DNAH14: variants seen among roughly 807,000 people sequenced by gnomAD.
DNAH14 encodes axonemal beta dynein heavy chain 14.
DNAH14 carries 478 observed loss-of-function variants against 520.9 expected under a neutral mutation model. The ratio of observed to expected loss-of-function variants is 0.92; its 90% CI spans 0.85 to 0.99. The LOEUF (loss-of-function observed/expected upper bound fraction) is 0.99, where lower values mean the gene tolerates loss of function less well. Among genes scored for constraint, DNAH14 ranks in the 50% least tolerant of loss-of-function variants. DNAH14 has a pLI of 0.00. For missense variants in DNAH14, 4,831 were observed against 5,234.5 expected (o/e 0.92, Z 2.38); for synonymous variants, 1,581 against 1,757.2 (o/e 0.90, Z 2.51).
intron 21 of DNAH14, among the ~76,000 whole-genome samples, chr1:225,092,554 C>T (rs749534244): frequency 1.3e-5 from 2 of 151,932 alleles, no homozygotes; most frequent in East Asian, 1.9e-4. Context: ...AAGTTTATAG[C>T]ACTAAACTCC....
chr1:224,946,661 T>C (rs2059853917), intron 1 of DNAH14, among the ~76,000 whole-genome samples: 1 of 152,238 alleles, frequency 6.6e-6, no homozygotes, highest in Non-Finnish European at 1.5e-5. Context: ...TTTTGGAATT[T>C]CATATTATAT....
At chr1:225,063,925 GA>G (rs908315330) in intron 17 of DNAH14, among the ~76,000 whole-genome samples, 22 of 145,330 alleles carry the variant, frequency 1.5e-4, no homozygotes, top group South Asian at 4.4e-4. Context: ...GAATAAAAAA[GA>G]AAAAAAAAAG....
chr1:225,029,487 CTTGTCAGATACT>C (rs1172344993), intron 11 of DNAH14, among the ~76,000 whole-genome samples: 1 of 152,000 alleles, frequency 6.6e-6, no homozygotes, highest in Non-Finnish European at 1.5e-5. Flanking sequence ...GCACATGTAA[CTTGTCAGATACT>C]TTGTTAGATC....
chr1:224,993,712 T>A lies in DNAH14; in HGVS notation c.831-9071T>A, dbSNP rs144606583. 6.6e-5 allele frequency among the ~76,000 whole-genome samples: 10 copies of A among 152,082 alleles called. No individual in the cohort carries two copies. In the East Asian group the frequency reaches 1.9e-3, roughly 29 times the overall value. Reference sequence around the variant, plus strand: ...GCTGCTCTGGTCTTTATTATTTCTTTCCTTCTGCTAATTTTGGCTTAGTTT... The same window carrying A: ...GCTGCTCTGGTCTTTATTATTTCTTACCTTCTGCTAATTTTGGCTTAGTTT... On this transcript the variant is annotated intron_variant, in intron 8 of 85. Transcript: ENST00000682510.
rs2061660101 is a variant in DNAH14 at position 224,974,074 on chromosome 1, A to G, written c.768-17A>G. ...TGGTTTATGGATATGGAATATAAGA[A>G]GCATTTTTCCTTTCAGAATGAATAA... On this transcript the variant is annotated splice_polypyrimidine_tract_variant and intron_variant, in intron 7 of 85. Coordinates refer to ENST00000682510, the MANE Select transcript of DNAH14 (RefSeq NM_001367479.1). 1 of 1,474,774 alleles carries G rather than the reference A, an allele frequency of 6.8e-7. No homozygotes were observed. The highest frequency in any genetic ancestry group is 9.0e-7 in the Non-Finnish European group (1 of 1,105,070). 91.4% of individuals were successfully genotyped at this position (1,474,774 alleles called of 1,614,324 possible).
At chr1:225,064,231 A>G (rs564771527) in intron 17 of DNAH14, among the ~76,000 whole-genome samples, 2 of 152,190 alleles carry the variant, frequency 1.3e-5, no homozygotes, top group South Asian at 4.1e-4. Context: ...ACAATTCACT[A>G]TATAGCCATT....
intron 41 of DNAH14, among the ~76,000 whole-genome samples, chr1:225,213,092 G>T (rs1365554838): frequency 1.3e-5 from 2 of 152,194 alleles, no homozygotes; most frequent in Admixed American, 1.3e-4. Flanking sequence ...TGTATAAGAT[G>T]TAAGGAAGTG....
intron 1 of DNAH14, among the ~76,000 whole-genome samples, chr1:224,942,320 T>C (rs2059476416): frequency 6.6e-6 from 1 of 152,206 alleles, no homozygotes; most frequent in South Asian, 2.1e-4. Context: ...GTTATTGGTG[T>C]ATAAGAATGC....
At chr1:225,279,888 A>G (rs2093588219) in intron 54 of DNAH14, among the ~76,000 whole-genome samples, 1 of 151,104 alleles carries the variant, frequency 6.6e-6, no homozygotes, top group Non-Finnish European at 1.5e-5. Flanking sequence ...ATATACTCAA[A>G]AAGCCTAAAG....
At chr1:225,300,720 G>A (rs1235997096) in intron 55 of DNAH14, 149 bp from the exon 56 acceptor site, 8 of 761,128 alleles carry the variant, frequency 1.1e-5, no homozygotes, top group Non-Finnish European at 1.0e-5. Context: ...AAAAGGTGGG[G>A]GGTGGGGGAG....
chr1:225,388,478 G>A lies in DNAH14; in HGVS notation c.13177G>A (p.Ala4393Thr). The change falls in exon 82 of 86, where the codon GCA becomes ACA. Residue 4393 changes from alanine to threonine, a missense_variant. Physicochemically the swap from Ala to Thr is moderately conservative, Grantham distance 58. Transcript: ENST00000682510. ...TACTTGGGCCAAAGTGGCTTATACT[G>A]CAATACAGCGTCGGTATGGATAAAA... is the stretch of plus-strand genomic sequence containing the variant. ...FNTWAKVAYT[A>T]IQRRYMRFVT... The A allele has an allele frequency of 6.6e-7, 1 of 1,506,610 alleles. No homozygotes were observed. Among genetic ancestry groups the A allele is most frequent in the South Asian group, 1.2e-5 (1 of 80,598 alleles). The allele number at this position is 1,506,610 out of a possible 1,614,324, so 93.3% of individuals were successfully genotyped here.
At chr1:225,123,898 G>C (rs2077481790) in intron 27 of DNAH14, among the ~76,000 whole-genome samples, 1 of 152,020 alleles carries the variant, frequency 6.6e-6, no homozygotes. Context: ...GTCTACAGGT[G>C]TGCACCACCA....
chr1:225,128,776 T>G (rs2078054330), intron 27 of DNAH14, among the ~76,000 whole-genome samples: 2 of 152,104 alleles, frequency 1.3e-5, no homozygotes, highest in Non-Finnish European at 2.9e-5. Flanking sequence ...ATGCCCTCTC[T>G]CACCACTCCT....
At chr1:225,016,206 A>C (rs1238105599) in intron 10 of DNAH14, among the ~76,000 whole-genome samples, 10 of 152,176 alleles carry the variant, frequency 6.6e-5, no homozygotes, top group Non-Finnish European at 1.3e-4. Context: ...TGTTCAATTG[A>C]GTTCAGATTT....
At chr1:224,939,662 C>A (rs769282448) in intron 1 of DNAH14, among the ~76,000 whole-genome samples, 1 of 151,892 alleles carries the variant, frequency 6.6e-6, no homozygotes, top group Non-Finnish European at 1.5e-5. Context: ...CCAGCCTGGG[C>A]AACAGAGTGA....
chr1:225,022,064 A>G (rs1165564576), intron 10 of DNAH14, among the ~76,000 whole-genome samples: 2 of 152,320 alleles, frequency 1.3e-5, no homozygotes, highest in East Asian at 3.9e-4. Context: ...GAAGATTGAA[A>G]CTGGATCCCT....
At chr1:225,398,847 A>AT (rs1314581683) in intron 85 of DNAH14, among the ~76,000 whole-genome samples, 181 bp downstream of exon 85, 1 of 152,224 alleles carries the variant, frequency 6.6e-6, no homozygotes, top group Non-Finnish European at 1.5e-5. Context: ...CTATACTTAC[A>AT]TCCCATGTTC....
intron 27 of DNAH14, among the ~76,000 whole-genome samples, chr1:225,130,204 CT>C (rs1410792391): frequency 6.7e-5 from 10 of 150,278 alleles, no homozygotes; most frequent in Admixed American, 4.0e-4. Flanking sequence ...AATAGGAACA[CT>C]TTTACACTGT....
chr1:225,020,517 C>CAAAA (rs58033176), intron 10 of DNAH14, among the ~76,000 whole-genome samples: 5 of 127,018 alleles, frequency 3.9e-5, no homozygotes, highest in African/African-American at 1.2e-4. Context: ...AAAAAAAAAA[C>CAAAA]AACTCAAAGG....
Sources: allele counts gnomAD v4.1 joint callset (sites outside exome capture counted in the v4.1 genomes callset), GRCh38; gene constraint gnomAD v4.1.1; transcripts MANE v1.5; gene names NCBI Gene and HGNC (gene_info 2026-07-23, HGNC 2026-07-21).